Variants in NEDD4L observed in about 807,000 individuals in gnomAD.
The protein encoded by NEDD4L is E3 ubiquitin-protein ligase NEDD4-like.
Under a neutral mutation model 148.9 loss-of-function variants are expected in NEDD4L, and 54 were observed. That is an observed-to-expected ratio of 0.36 (90% CI 0.29 to 0.45). NEDD4L has a LOEUF of 0.45. Among genes scored for constraint, NEDD4L ranks in the 20% least tolerant of loss-of-function variants. The probability of loss-of-function intolerance (pLI) is 1.00; values close to 1 mark genes in which losing one functional copy is unlikely to be tolerated. For missense variants in NEDD4L, 856 were observed against 1,233.8 expected (o/e 0.69, Z 4.59); for synonymous variants, 433 against 440.7 (o/e 0.98, Z 0.22).
chr18:58,289,568 G>A (rs2054413056), intron 5 of NEDD4L, among the ~76,000 whole-genome samples: 1 of 152,178 alleles, frequency 6.6e-6, no homozygotes, highest in Admixed American at 6.5e-5. Flanking sequence ...TGCCTCTCGA[G>A]GTGTAAGATG....
intron 29 of NEDD4L, 116 bp from the exon 30 acceptor site, chr18:58,391,371 G>A (rs1023000343): frequency 7.8e-6 from 6 of 765,938 alleles, no homozygotes; most frequent in African/African-American, 1.7e-5. Flanking sequence ...AGAGTGTCTT[G>A]GGCCTCACCC....
chr18:58,367,921 G>A, intron 22 of NEDD4L, 54 bp downstream of exon 22: 1 of 1,594,960 alleles, frequency 6.3e-7, no homozygotes, highest in Non-Finnish European at 8.6e-7. Context: ...TTGCTAGTAG[G>A]TGTCTTATCT....
At chr18:58,214,815 T>TTTTTTA (rs1291603873) in intron 2 of NEDD4L, among the ~76,000 whole-genome samples, 5 of 127,124 alleles carry the variant, frequency 3.9e-5, no homozygotes, top group Non-Finnish European at 6.7e-5. Context: ...TTTTTTTTTT[T>TTTTTTA]TTGTTGTTGT....
At chr18:58,061,749 A>G (rs990605324) in intron 1 of NEDD4L, among the ~76,000 whole-genome samples, 1 of 152,228 alleles carries the variant, frequency 6.6e-6, no homozygotes, top group Non-Finnish European at 1.5e-5. Context: ...CCCTGTGCAT[A>G]TGAACTATGG....
At chr18:58,276,223 G>A (rs573934838) in intron 5 of NEDD4L, among the ~76,000 whole-genome samples, 6 of 133,414 alleles carry the variant, frequency 4.5e-5, no homozygotes, top group Admixed American at 3.0e-4. Context: ...GGGTGGGGAG[G>A]GGGGTGGTTT....
intron 1 of NEDD4L, among the ~76,000 whole-genome samples, chr18:58,102,811 T>G (rs2084835152): frequency 6.6e-6 from 1 of 152,204 alleles, no homozygotes. Flanking sequence ...CTGTGAATTT[T>G]AGTATCCTCA....
rs1243803847 is a variant in NEDD4L at position 58,325,171 on chromosome 18, C to T, written c.680+9C>T. 4 of 1,613,246 alleles carry T rather than the reference C, an allele frequency of 2.5e-6. No homozygotes were observed. In the African/African-American group the frequency reaches 4.0e-5, roughly 16 times the overall value. On this transcript the variant is annotated intron_variant, in intron 9 of 30. Coordinates refer to ENST00000400345, the MANE Select transcript of NEDD4L (RefSeq NM_001144967.3). ...CACAGACCAAGCCTGATGTGAGTACCGTGTGATGGTCAGGAACACGTGCAC... is the reference window on the plus strand; with the variant it reads ...CACAGACCAAGCCTGATGTGAGTACTGTGTGATGGTCAGGAACACGTGCAC...
At chr18:58,138,783 T>C (rs569974) in intron 1 of NEDD4L, among the ~76,000 whole-genome samples, 150,635 of 152,342 alleles carry the variant, frequency 0.99, 74,484 homozygotes, top group Middle Eastern at 1. Context: ...TTTATAAGAG[T>C]ACTAATTTCA....
chr18:58,255,027 C>T lies in NEDD4L; in HGVS notation c.297+2973C>T, dbSNP rs187288738. On this transcript the variant is annotated intron_variant, in intron 5 of 30. Transcript: ENST00000400345. ...TCCGATGCTTGGGAAGGGGTTTACC[C>T]GGTGGCCAAGCCATATTTTACTTGT... is the stretch of plus-strand genomic sequence containing the variant. Among the ~76,000 whole-genome samples the T allele has an allele frequency of 4.6e-3, 707 of 152,208 alleles. 7 individuals carry two copies. The highest frequency in any genetic ancestry group is 0.016 in the African/African-American group (676 of 41,522).
In NEDD4L at chr18:58,256,840, C is replaced by T. The variant is rs1158761865; in HGVS notation, c.297+4786C>T. ...CTTCGATGCTTACTCTGCGGCGTAA[C>T]CAAAATAAAACCTCACCCTCTGTTC... On this transcript the variant is annotated intron_variant, in intron 5 of 30. Transcript: ENST00000400345. This position sits in a 1 kb window ranked among gnomAD's most constrained non-coding sequence, Gnocchi z 5.2. 8.3e-7 allele frequency: 1 copy of T among 1,208,630 alleles called. No homozygotes were observed. Among genetic ancestry groups the T allele is most frequent in the African/African-American group, 1.6e-5 (1 of 63,916 alleles). 74.9% of individuals were successfully genotyped at this position (1,208,630 alleles called of 1,614,324 possible). A position where few individuals can be genotyped will look rare whatever the true frequency, so the allele number is the denominator to read the frequency against.
At chr18:58,101,072 C>T (rs934318618) in intron 1 of NEDD4L, among the ~76,000 whole-genome samples, 4 of 152,154 alleles carry the variant, frequency 2.6e-5, no homozygotes, top group African/African-American at 4.8e-5. Flanking sequence ...TTCCAAAGTG[C>T]TGGGATTATA....
Position 58,383,335 on chromosome 18 carries a change from T to A in NEDD4L, c.2426+16T>A. ...AATATATCGAGTATGTATACACATA[T>A]TTACTGCCTTTTCTTTGAATAATTG... On this transcript the variant is annotated intron_variant, in intron 25 of 30. Transcript: ENST00000400345. 7.4e-7 allele frequency: 1 copy of A among 1,349,086 alleles called. No homozygotes were observed. The highest frequency in any genetic ancestry group is 1.0e-6 in the Non-Finnish European group (1 of 966,410). 83.6% of individuals were successfully genotyped at this position (1,349,086 alleles called of 1,614,324 possible).
chr18:58,252,291 G>A (rs9960340), intron 5 of NEDD4L, among the ~76,000 whole-genome samples: 3 of 152,170 alleles, frequency 2.0e-5, no homozygotes, highest in Non-Finnish European at 4.4e-5. Context: ...TAATGTTAAC[G>A]AAAGCCACTG....
intron 20 of NEDD4L, among the ~76,000 whole-genome samples, chr18:58,365,692 G>A (rs185020629): frequency 1.3e-5 from 2 of 152,274 alleles, no homozygotes; most frequent in African/African-American, 2.4e-5. Context: ...ACTGCCTTTC[G>A]GTTGCCCTAT....
chr18:58,168,682 C>A (rs1248269501), intron 2 of NEDD4L, among the ~76,000 whole-genome samples: 2 of 152,212 alleles, frequency 1.3e-5, no homozygotes, highest in Non-Finnish European at 2.9e-5. Flanking sequence ...ACACCTCATT[C>A]TCCCTTGGCA....
intron 19 of NEDD4L, among the ~76,000 whole-genome samples, chr18:58,360,351 C>T (rs2145909512): frequency 6.6e-6 from 1 of 152,318 alleles, no homozygotes; most frequent in East Asian, 1.9e-4. Context: ...TTCTCTTTCA[C>T]ATTGTCTGCT....
intron 2 of NEDD4L, among the ~76,000 whole-genome samples, chr18:58,173,482 C>G (rs1442782461): frequency 6.6e-6 from 1 of 152,154 alleles, no homozygotes; most frequent in Non-Finnish European, 1.5e-5. Flanking sequence ...CACATGGGCT[C>G]AAGGGTATTG....
At chr18:58,222,687 C>A (rs2043901813) in intron 2 of NEDD4L, among the ~76,000 whole-genome samples, 1 of 152,128 alleles carries the variant, frequency 6.6e-6, no homozygotes, top group Admixed American at 6.5e-5. Flanking sequence ...GGGTTACTTT[C>A]AGTAAAGTAT....
intron 5 of NEDD4L, among the ~76,000 whole-genome samples, chr18:58,268,157 G>A (rs148498431): frequency 4.3e-4 from 66 of 152,158 alleles, no homozygotes; most frequent in African/African-American, 1.5e-3. Context: ...TGAGGTTATA[G>A]GAAGAATGGG....
Sources: allele counts gnomAD v4.1 joint callset (sites outside exome capture counted in the v4.1 genomes callset), GRCh38; gene constraint gnomAD v4.1.1; non-coding constraint Gnocchi (gnomAD v3.1); transcripts MANE v1.5; gene names NCBI Gene and HGNC (gene_info 2026-07-23, HGNC 2026-07-21).